The following PRKG1 variants were observed in gnomAD, a reference collection of about 807,000 sequenced individuals.
PRKG1 encodes cGMP-dependent protein kinase 1.
Under a neutral mutation model 88.1 loss-of-function variants are expected in PRKG1, and 35 were observed. That is an observed-to-expected ratio of 0.40 (90% CI 0.30 to 0.53). PRKG1 has a LOEUF of 0.53. Among genes scored for constraint, PRKG1 ranks in the 20% least tolerant of loss-of-function variants. The probability of loss-of-function intolerance (pLI) is 0.59; values close to 1 mark genes in which losing one functional copy is unlikely to be tolerated. For missense variants in PRKG1, 540 were observed against 839.8 expected, an observed-to-expected ratio of 0.64 and a Z score of 4.41; for synonymous variants, 303 against 292.5, an observed-to-expected ratio of 1.04 and a Z score of -0.37.
intron 5 of PRKG1, among the ~76,000 whole-genome samples, chr10:52,028,274 C>T (rs192402634): frequency 6.8e-4 from 104 of 152,220 alleles, no homozygotes; most frequent in South Asian, 2.1e-3. Flanking sequence ...CAGATGTGTA[C>T]AGCTCCTATC....
At chr10:51,000,573 G>A (rs1173461318) in intron 1 of PRKG1, among the ~76,000 whole-genome samples, 2 of 152,204 alleles carry the variant, frequency 1.3e-5, no homozygotes, top group Admixed American at 1.3e-4. Context: ...AAAGTGTGAT[G>A]TTTATATAAT....
intron 3 of PRKG1, among the ~76,000 whole-genome samples, chr10:51,658,604 A>G (rs1240195598): frequency 6.6e-6 from 1 of 152,086 alleles, no homozygotes; most frequent in Non-Finnish European, 1.5e-5. Flanking sequence ...TCTAAAACTC[A>G]TTCTTCATCT....
chr10:51,414,283 G>A (rs1180423051), intron 2 of PRKG1, among the ~76,000 whole-genome samples: 1 of 152,170 alleles, frequency 6.6e-6, no homozygotes, highest in African/African-American at 2.4e-5. Context: ...ATGATGGGTA[G>A]GTCCAAGGGG....
rs115385753 is a variant in PRKG1, at chr10:51,800,906, T to C, written c.593-3679T>C. 4.5e-3 allele frequency among the ~76,000 whole-genome samples: 681 copies of C among 152,180 alleles called. 4 individuals are homozygous for C. The highest frequency in any genetic ancestry group is 0.014 in the African/African-American group (569 of 41,538). ...GCAACCACCCTCTGATAGCATCACA[T>C]TGGGGATAGGGCTTCAACGTTTGAA... On this transcript the variant is annotated intron_variant, in intron 3 of 17. Coordinates refer to ENST00000373980, the MANE Select transcript of PRKG1 (RefSeq NM_006258.4).
At chr10:51,298,601 A>G (rs113815717) in intron 2 of PRKG1, among the ~76,000 whole-genome samples, 11 of 152,318 alleles carry the variant, frequency 7.2e-5, no homozygotes, top group African/African-American at 2.2e-4. Context: ...TTATTTTACA[A>G]TCTTATTTTA....
intron 4 of PRKG1, among the ~76,000 whole-genome samples, chr10:51,885,070 C>A (rs533824846): frequency 6.6e-5 from 10 of 152,200 alleles, no homozygotes; most frequent in Non-Finnish European, 1.3e-4. Flanking sequence ...ACCGTGCAAT[C>A]TTAGCCAAGT....
At chr10:51,178,440 C>T (rs1837255829) in intron 2 of PRKG1, among the ~76,000 whole-genome samples, 1 of 152,018 alleles carries the variant, frequency 6.6e-6, no homozygotes, top group African/African-American at 2.4e-5. Context: ...GGACTTAGAC[C>T]AGCCTGGAGA....
chr10:51,780,702 A>G (rs549373979), intron 3 of PRKG1, among the ~76,000 whole-genome samples: 1 of 152,284 alleles, frequency 6.6e-6, no homozygotes, highest in Non-Finnish European at 1.5e-5. Flanking sequence ...TTAGCTAAAT[A>G]ATTTGATGCT....
chr10:51,112,663 C>A (rs1301197167), intron 1 of PRKG1, among the ~76,000 whole-genome samples: 1 of 152,004 alleles, frequency 6.6e-6, no homozygotes, highest in Non-Finnish European at 1.5e-5. Context: ...AGACTAGTTT[C>A]TTTTGTTCGG....
At chr10:51,511,894 C>A (rs553994519) in intron 3 of PRKG1, among the ~76,000 whole-genome samples, 1 of 152,060 alleles carries the variant, frequency 6.6e-6, no homozygotes, top group East Asian at 1.9e-4. Flanking sequence ...CAGTGATGGT[C>A]GAATATATAA....
chr10:52,061,758 A>T lies in PRKG1; in HGVS notation c.841-779A>T, dbSNP rs935851868. 4.6e-5 allele frequency among the ~76,000 whole-genome samples: 7 copies of T among 152,236 alleles called. No individual in the cohort carries two copies. The South Asian group carries it at 1.4e-3, about 32-fold the overall frequency. On this transcript the variant is annotated intron_variant, in intron 6 of 17. Transcript: ENST00000373980. ...AAAAGGGCCTATATGTAATTTATAT[A>T]TCTTTAGAAATAGAAATCCTACCAA...
intron 5 of PRKG1, among the ~76,000 whole-genome samples, chr10:51,919,488 T>C (rs1842416326): frequency 6.6e-6 from 1 of 152,144 alleles, no homozygotes; most frequent in South Asian, 2.1e-4. Flanking sequence ...AAACGTAACA[T>C]GATTTGTCTT....
chr10:51,927,348 T>A (rs1842600569), intron 5 of PRKG1, among the ~76,000 whole-genome samples: 1 of 152,180 alleles, frequency 6.6e-6, no homozygotes, highest in Non-Finnish European at 1.5e-5. Flanking sequence ...CCTTTCACCT[T>A]TCATCATGAC....
intron 14 of PRKG1, among the ~76,000 whole-genome samples, chr10:52,283,183 G>A (rs1242268180): frequency 6.6e-6 from 1 of 152,110 alleles, no homozygotes; most frequent in Non-Finnish European, 1.5e-5. Context: ...AGTGATGTGT[G>A]TTGTGGTATT....
chr10:51,584,786 C>T (rs1460801505), intron 3 of PRKG1, among the ~76,000 whole-genome samples: 1 of 152,070 alleles, frequency 6.6e-6, no homozygotes, highest in Non-Finnish European at 1.5e-5. Context: ...AAAGAACTTA[C>T]ACCAGATAGT....
chr10:51,008,582 C>T (rs1842962439), intron 1 of PRKG1, among the ~76,000 whole-genome samples: 1 of 152,158 alleles, frequency 6.6e-6, no homozygotes, highest in Admixed American at 6.6e-5. Flanking sequence ...TGTCTTTTCT[C>T]TGTGAGTATG....
intron 5 of PRKG1, among the ~76,000 whole-genome samples, chr10:52,047,117 G>A (rs1229581056): frequency 1.3e-5 from 2 of 152,088 alleles, no homozygotes; most frequent in African/African-American, 4.8e-5. Context: ...GATGGTATGA[G>A]GAAGGAAAAT....
chr10:51,929,590 A>C (rs1028200586), intron 5 of PRKG1, among the ~76,000 whole-genome samples: 6 of 152,038 alleles, frequency 3.9e-5, no homozygotes, highest in African/African-American at 1.2e-4. Flanking sequence ...ACCTCAAGTG[A>C]TCTGCCTGCC....
intron 2 of PRKG1, among the ~76,000 whole-genome samples, chr10:51,194,742 C>A (rs556057737): frequency 1.7e-4 from 26 of 152,002 alleles, no homozygotes; most frequent in Non-Finnish European, 1.5e-5. Context: ...TATTGACTCA[C>A]GGTTCTAGAG....
Sources: gnomAD v4.1 joint callset for allele counts (sites outside exome capture counted in the v4.1 genomes callset) on GRCh38, gnomAD v4.1.1 for gene constraint, MANE v1.5 for transcripts, NCBI Gene and HGNC (gene_info 2026-07-23, HGNC 2026-07-21) for gene names.